CSF2RA: variants seen among roughly 807,000 people sequenced by gnomAD.
The protein encoded by CSF2RA is granulocyte-macrophage colony-stimulating factor receptor subunit alpha.
A neutral mutation model predicts 51.6 loss-of-function variants in CSF2RA; 42 were observed. That is an observed-to-expected ratio of 0.81 (90% CI 0.64 to 1.05). The LOEUF (loss-of-function observed/expected upper bound fraction) is 1.05. CSF2RA is among the 50% of genes least tolerant of loss of function. The pLI is 0.00. For synonymous variants in CSF2RA, 222 were observed against 193.0 expected (o/e 1.15, Z -1.24); for missense variants, 530 against 501.1 (o/e 1.06, Z -0.55).
intron 3 of CSF2RA, among the ~76,000 whole-genome samples, chrX:1,285,327 C>A (rs2090506126): frequency 6.6e-6 from 1 of 151,942 alleles, no homozygotes; most frequent in Non-Finnish European, 1.5e-5. Flanking sequence ...CGTCCTGGGG[C>A]CATGTGGGTG....
At chrX:1,313,918 G>C (rs1469117197), downstream of CSF2RA, among the ~76,000 whole-genome samples, 1 of 152,144 alleles carries the variant, frequency 6.6e-6, no homozygotes, top group Admixed American at 6.6e-5. Context: ...TTGAACCTGG[G>C]AGGCAGAGGT....
intron 4 of CSF2RA, chrX:1,287,301 G>C (rs182200103): frequency 0.035 from 4,853 of 137,222 alleles, 136 homozygotes; most frequent in South Asian, 0.12. Flanking sequence ...TTACAGGTGC[G>C]TGCCACCACG....
intron 2 of CSF2RA, among the ~76,000 whole-genome samples, chrX:1,277,828 T>G: frequency 2.0e-5 from 3 of 146,898 alleles, no homozygotes; most frequent in African/African-American, 7.5e-5. Flanking sequence ...AATACAAAAA[T>G]TAGCCAGGCA....
At chrX:1,286,129 G>A (rs775132707) in intron 4 of CSF2RA, among the ~76,000 whole-genome samples, 57 of 151,332 alleles carry the variant, frequency 3.8e-4, no homozygotes, top group African/African-American at 1.2e-3. Flanking sequence ...AAAATTAGCC[G>A]GGCGTGCTGG....
At chrX:1,288,961 T>A in intron 6 of CSF2RA, 73 bp downstream of exon 6, 1 of 1,594,750 alleles carries the variant, frequency 6.3e-7, no homozygotes, top group Non-Finnish European at 8.6e-7. Flanking sequence ...GGTTTTCTTT[T>A]TTTCCTTTTT....
intron 1 of CSF2RA, among the ~76,000 whole-genome samples, chrX:1,270,927 AATATTTTGGAAG>A (rs2088312118): frequency 8.7e-5 from 12 of 137,768 alleles, no homozygotes; most frequent in East Asian, 2.2e-4. Flanking sequence ...CTGTAATCCC[AATATTTTGGAAG>A]GCTGAGGTGA....
At chrX:1,276,325 C>A (rs1190393267) in intron 2 of CSF2RA, among the ~76,000 whole-genome samples, 1 of 151,730 alleles carries the variant, frequency 6.6e-6, no homozygotes, top group Non-Finnish European at 1.5e-5. Context: ...TGAGCCACCT[C>A]ACCCAGCCAG....
downstream of CSF2RA, among the ~76,000 whole-genome samples, chrX:1,312,999 G>A (rs1404946384): frequency 6.6e-6 from 1 of 152,132 alleles, no homozygotes; most frequent in Non-Finnish European, 1.5e-5. Context: ...AGTGAGAGGA[G>A]GAGACTCCCA....
At chrX:1,321,745 C>T in the CSF2RA span, among the ~76,000 whole-genome samples, 385 of 152,256 alleles carry the variant, frequency 2.5e-3, 1 homozygote, top group African/African-American at 8.3e-3. Flanking sequence ...GGCAGAACCC[C>T]GCTTCTTCAG....
chrX:1,277,593 CAAAAAA>C (rs749833246), intron 2 of CSF2RA, among the ~76,000 whole-genome samples: 9 of 70,432 alleles, frequency 1.3e-4, no homozygotes, highest in Admixed American at 6.9e-4. Flanking sequence ...AAGTCCATCT[CAAAAAA>C]AAAAAAAAAA....
downstream of CSF2RA, among the ~76,000 whole-genome samples, chrX:1,314,585 C>A (rs113928233): frequency 2.4e-3 from 44 of 18,060 alleles, no homozygotes; most frequent in South Asian, 0.015. Flanking sequence ...CTGCCCAACC[C>A]CACTGCACCT....
intron 9 of CSF2RA, among the ~76,000 whole-genome samples, chrX:1,299,692 C>T (rs761782490): frequency 3.3e-5 from 5 of 152,138 alleles, no homozygotes; most frequent in South Asian, 4.1e-4. Flanking sequence ...CTGAGGTGGG[C>T]GGATCACTTG....
intron 12 of CSF2RA, chrX:1,305,781 G>T: frequency 6.4e-7 from 1 of 1,551,108 alleles, no homozygotes; most frequent in Non-Finnish European, 8.7e-7. Flanking sequence ...AAGAAAAGGA[G>T]GAGAAGACGG....
chrX:1,287,351 A>T (rs1189128486), intron 4 of CSF2RA, among the ~76,000 whole-genome samples: 2 of 149,796 alleles, frequency 1.3e-5, no homozygotes, highest in African/African-American at 4.9e-5. Context: ...ACGGGGTTTC[A>T]CCATGTTGGC....
chrX:1,314,344 C>A (rs868480043), downstream of CSF2RA, among the ~76,000 whole-genome samples: 1 of 130,798 alleles, frequency 7.6e-6, no homozygotes, highest in African/African-American at 3.0e-5. Context: ...AACCCCACTG[C>A]GCCTGCCCAA....
At chrX:1,320,308 G>A in the CSF2RA span, among the ~76,000 whole-genome samples, 2 of 151,914 alleles carry the variant, frequency 1.3e-5, no homozygotes, top group African/African-American at 4.8e-5. Flanking sequence ...AATGACAGGC[G>A]TGAGCCATTG....
intron 2 of CSF2RA, among the ~76,000 whole-genome samples, chrX:1,280,778 A>G (rs1362279524): frequency 7.5e-6 from 1 of 132,862 alleles, no homozygotes; most frequent in African/African-American, 2.9e-5. Flanking sequence ...ATGGGCTTGG[A>G]TAGAAGTATA....
chrX:1,320,720 C>T, the CSF2RA span, among the ~76,000 whole-genome samples: 1 of 146,172 alleles, frequency 6.8e-6, no homozygotes, highest in South Asian at 2.2e-4. Flanking sequence ...GCCATGTTGG[C>T]CAGGATGGTC....
the CSF2RA span, among the ~76,000 whole-genome samples, chrX:1,315,928 TG>T: frequency 5.9e-3 from 872 of 147,672 alleles, 8 homozygotes; most frequent in African/African-American, 0.021. Context: ...TGATGATAGA[TG>T]GATGATAGAT....
Sources: allele counts gnomAD v4.1 joint callset (sites outside exome capture counted in the v4.1 genomes callset), GRCh38; gene constraint gnomAD v4.1.1; transcripts MANE v1.5; gene names NCBI Gene and HGNC (gene_info 2026-07-23, HGNC 2026-07-21).